The following DDC variants were observed in gnomAD, a reference collection of about 807,000 sequenced individuals.
DDC encodes the protein aromatic-L-amino-acid decarboxylase.
Under a neutral mutation model 60.0 loss-of-function variants are expected in DDC, and 43 were observed. That is an observed-to-expected ratio of 0.72 (90% confidence interval 0.56 to 0.92). DDC has a LOEUF of 0.92. Among genes scored for constraint, DDC ranks in the 40% least tolerant of loss-of-function variants. The pLI is 0.00. For synonymous variants in DDC, 232 were observed against 234.6 expected, an observed-to-expected ratio of 0.99 and a Z score of 0.10; for missense variants, 573 against 620.2, an observed-to-expected ratio of 0.92 and a Z score of 0.81.
intron 6 of DDC, among the ~76,000 whole-genome samples, chr7:50,523,110 C>A (rs1245831249): frequency 6.6e-6 from 1 of 152,006 alleles, no homozygotes; most frequent in South Asian, 2.1e-4. Flanking sequence ...CATCTACATG[C>A]AAAAAATGAA....
At chr7:50,562,218 G>A (rs1392328204) in intron 1 of DDC, among the ~76,000 whole-genome samples, 3 of 152,206 alleles carry the variant, frequency 2.0e-5, no homozygotes, top group Admixed American at 6.5e-5. Context: ...GCTGCAGGGC[G>A]GGGACCTGGC....
intron 9 of DDC, 83 bp downstream of exon 9, chr7:50,495,267 C>T (rs2043102911): frequency 9.9e-6 from 10 of 1,014,308 alleles, no homozygotes; most frequent in Non-Finnish European, 1.6e-5. Context: ...TATTGCACCC[C>T]TTTGGCTCTG....
chr7:50,477,594 G>A (rs1276677558), intron 10 of DDC: 2 of 454,334 alleles, frequency 4.4e-6, no homozygotes, highest in African/African-American at 2.0e-5. Context: ...GTATTTACAA[G>A]AACATCTGAA....
intron 2 of DDC, 127 bp from the exon 3 acceptor site, chr7:50,540,155 G>C (rs1379254961): frequency 1.4e-6 from 1 of 722,064 alleles, no homozygotes; most frequent in Non-Finnish European, 2.5e-6. Flanking sequence ...GGTGAGTGCA[G>C]TTCCCCAAAT....
At chr7:50,557,644 A>G (rs2045227925) in intron 1 of DDC, among the ~76,000 whole-genome samples, 1 of 152,160 alleles carries the variant, frequency 6.6e-6, no homozygotes, top group African/African-American at 2.4e-5. Flanking sequence ...TGTTCCTATG[A>G]CACCATCCAT....
At chr7:50,490,318 A>C (rs905424911) in intron 9 of DDC, among the ~76,000 whole-genome samples, 15 of 152,164 alleles carry the variant, frequency 9.9e-5, no homozygotes, top group African/African-American at 3.4e-4. Flanking sequence ...AAATTCAACC[A>C]ATTCATACAG....
chr7:50,492,700 T>TCTCCCTA, intron 9 of DDC: 1 of 599,880 alleles, frequency 1.7e-6, no homozygotes, highest in East Asian at 5.1e-5. Context: ...CAAATGGCCT[T>TCTCCCTA]TTCCAAATGG....
Position 50,529,245 on chromosome 7 carries a change from G to A in DDC, c.533C>T (p.Ala178Val), listed in dbSNP as rs202191889. ...GTAAGCCACCAGCTTCTCCATGATA[G>A]CGGCCTGTGTGAGCTCTGGGGACGC... ...QAASPELTQA[A>V]IMEKLVAYSS... is the part of the protein sequence containing the mutation. The change falls in exon 5 of 15, where the codon GCT (alanine) becomes GTT (valine). Residue 178 changes from alanine (A) to valine (V), a missense_variant. Ala to Val is a moderately conservative substitution (Grantham distance 64). Transcript: ENST00000444124. 6.2e-7 allele frequency: 1 copy of A among 1,613,728 alleles called. No individual in the cohort carries two copies. Among genetic ancestry groups the A allele is most frequent in the Non-Finnish European group, 8.5e-7 (1 of 1,180,050 alleles).
chr7:50,518,797 C>T (rs1236380646), intron 6 of DDC, among the ~76,000 whole-genome samples: 1 of 152,182 alleles, frequency 6.6e-6, no homozygotes, highest in Non-Finnish European at 1.5e-5. Flanking sequence ...TAGAAGATAA[C>T]ATTGGAAAAA....
chr7:50,559,393 C>T (rs965530386), intron 1 of DDC, among the ~76,000 whole-genome samples: 2 of 151,704 alleles, frequency 1.3e-5, no homozygotes, highest in African/African-American at 4.8e-5. Flanking sequence ...GAAATGCCAA[C>T]AAGCACCAGA....
At chr7:50,483,195 C>T (rs2042807492) in intron 9 of DDC, among the ~76,000 whole-genome samples, 1 of 152,132 alleles carries the variant, frequency 6.6e-6, no homozygotes, top group Admixed American at 6.5e-5. Flanking sequence ...TCCGATTTTA[C>T]TAAGACATTT....
chr7:50,519,953 A>AAAAC (rs3071964), intron 6 of DDC, among the ~76,000 whole-genome samples: 105,868 of 151,316 alleles, frequency 0.7, 37,452 homozygotes, highest in East Asian at 0.8. Context: ...AATCAAAACC[A>AAAAC]AAACAAACAA....
At chr7:50,467,062 G>A in intron 13 of DDC, 152 bp downstream of exon 13, 1 of 772,626 alleles carries the variant, frequency 1.3e-6, no homozygotes, top group Admixed American at 1.8e-5. Flanking sequence ...TGTGTAGCAT[G>A]GGGCAGGGCA....
chr7:50,540,100 A>G (rs966536396), intron 2 of DDC, 72 bp from the exon 3 acceptor site: 2 of 1,191,944 alleles, frequency 1.7e-6, no homozygotes, highest in Non-Finnish European at 2.4e-6. Context: ...GGACCCAGGT[A>G]CCCCCATGGC....
At chr7:50,547,770 G>A (rs1585276504) in intron 1 of DDC, among the ~76,000 whole-genome samples, 12 of 152,112 alleles carry the variant, frequency 7.9e-5, no homozygotes, top group Admixed American at 7.2e-4. Context: ...GCATGTATTA[G>A]CTGTACAACC....
chr7:50,481,053 T>G (rs915720202), intron 9 of DDC, among the ~76,000 whole-genome samples: 3 of 152,116 alleles, frequency 2.0e-5, no homozygotes, highest in African/African-American at 4.8e-5. Context: ...AGAGAAGAAA[T>G]GTTAATCTGA....
chr7:50,528,725 G>GCATCACCACTGTGGGAGATC (rs1273447815), intron 5 of DDC, among the ~76,000 whole-genome samples: 3 of 152,228 alleles, frequency 2.0e-5, no homozygotes, highest in Admixed American at 6.5e-5. Context: ...CAGCCAGGAG[G>GCATCACCACTGTGGGAGATC]CATCACCACT....
At chr7:50,530,879 CTCT>C (rs2044183162) in intron 4 of DDC, among the ~76,000 whole-genome samples, 1 of 152,204 alleles carries the variant, frequency 6.6e-6, no homozygotes, top group Admixed American at 6.5e-5. Flanking sequence ...ATGCTAACCT[CTCT>C]TCTTAACATT....
At chr7:50,538,955 C>A (rs1158371516) in intron 3 of DDC, among the ~76,000 whole-genome samples, 1 of 152,078 alleles carries the variant, frequency 6.6e-6, no homozygotes, top group African/African-American at 2.4e-5. Context: ...GGCTCTTCAG[C>A]CCTGCCTGTA....
Sources: allele counts gnomAD v4.1 joint callset (sites outside exome capture counted in the v4.1 genomes callset), GRCh38; gene constraint gnomAD v4.1.1; transcripts MANE v1.5; gene names NCBI Gene and HGNC (gene_info 2026-07-23, HGNC 2026-07-21).